DNM1L: variants seen among roughly 807,000 people sequenced by gnomAD.
DNM1L encodes dynamin 1L.
DNM1L carries 33 observed loss-of-function variants against 92.8 expected under a neutral mutation model. The observed-to-expected ratio is 0.36, with a 90% CI of 0.27 to 0.48. The LOEUF (loss-of-function observed/expected upper bound fraction) is 0.48, where lower values mean the gene tolerates loss of function less well. DNM1L is among the 20% of genes least tolerant of loss of function. DNM1L has a pLI of 0.99. For synonymous variants in DNM1L, 284 were observed against 305.0 expected (o/e 0.93, Z 0.72); for missense variants, 485 against 888.8 (o/e 0.55, Z 5.78).
intron 19 of DNM1L, among the ~76,000 whole-genome samples, 159 bp from the exon 20 acceptor site, chr12:32,743,195 G>A (rs796147225): frequency 8.6e-5 from 13 of 151,642 alleles, no homozygotes; most frequent in African/African-American, 2.9e-4. Flanking sequence ...GCGCCTGGCC[G>A]GTACTTGATT....
At chr12:32,732,588 G>A (rs1340558638) in intron 12 of DNM1L, 1 of 455,948 alleles carries the variant, frequency 2.2e-6, no homozygotes, top group African/African-American at 2.0e-5. Context: ...GGTTTACTAA[G>A]AGTACAAAAC....
In DNM1L at chr12:32,680,210, C is replaced by T. The variant is rs1951755691; in HGVS notation, c.102+745C>T. On this transcript the variant is annotated intron_variant, in intron 1 of 19. Coordinates refer to ENST00000549701, the MANE Select transcript of DNM1L (RefSeq NM_012062.5). ...TTCTCTGGTCTTCTCATAGCTAACT[C>T]ATTTTTTTTTGAATGCAGAAATGTT... Among the ~76,000 whole-genome samples the T allele has an allele frequency of 2.0e-5, 3 of 151,838 alleles. No homozygotes were observed. The South Asian group carries it at 6.2e-4, about 32-fold the overall frequency.
intron 1 of DNM1L, among the ~76,000 whole-genome samples, chr12:32,698,826 G>C (rs1473181199): frequency 6.6e-6 from 1 of 152,034 alleles, no homozygotes; most frequent in East Asian, 1.9e-4. Context: ...TGATTATTTA[G>C]TAATTGGATA....
intron 5 of DNM1L, among the ~76,000 whole-genome samples, chr12:32,711,998 C>T (rs141290884): frequency 3.9e-5 from 6 of 152,288 alleles, no homozygotes; most frequent in African/African-American, 1.4e-4. Flanking sequence ...CCTCTTGGCT[C>T]TTCCTACCTT....
Position 32,717,403 on chromosome 12 carries a change from TATA to T in DNM1L, c.620-1236_620-1234del, listed in dbSNP as rs1273532919. On this transcript the variant is annotated intron_variant, in intron 6 of 19. Coordinates refer to ENST00000549701, the MANE Select transcript of DNM1L (RefSeq NM_012062.5). The stretch of plus-strand genomic sequence containing the variant: ...TATATAATATATAGTATATATAATA[TATA>T]ATATATATTTTAAATATATACTATA... 1.1e-4 allele frequency among the ~76,000 whole-genome samples: 8 copies of T among 70,722 alleles called. 1 individual carries two copies. Among genetic ancestry groups the T allele is most frequent in the African/African-American group, 5.2e-4 (8 of 15,446 alleles). 46.4% of individuals were successfully genotyped at this position (70,722 alleles called of 152,430 possible).
At chr12:32,737,473 TTTA>T (rs1401971961) in intron 14 of DNM1L, 1 of 392,584 alleles carries the variant, frequency 2.5e-6, no homozygotes, top group African/African-American at 2.0e-5. Flanking sequence ...GACTCAAGAT[TTTA>T]TTATAATAAG....
intron 8 of DNM1L, 95 bp downstream of exon 8, chr12:32,720,890 T>C: frequency 1.3e-6 from 2 of 1,489,072 alleles, no homozygotes; most frequent in Admixed American, 3.4e-5. Flanking sequence ...TTCATACTGT[T>C]CCTAACAGCT....
intron 2 of DNM1L, chr12:32,707,161 A>C (rs1019224881): frequency 1.0e-5 from 5 of 485,948 alleles, no homozygotes; most frequent in Admixed American, 7.6e-5. Context: ...TTTGAAATAC[A>C]CCATACAATT....
At chr12:32,712,120 T>C (rs1325836326) in intron 5 of DNM1L, among the ~76,000 whole-genome samples, 2 of 152,214 alleles carry the variant, frequency 1.3e-5, no homozygotes, top group Non-Finnish European at 2.9e-5. Flanking sequence ...AGGTCGTCCT[T>C]GTGATCTCAT....
At chr12:32,726,567 A>T in intron 9 of DNM1L, 1 of 1,212,436 alleles carries the variant, frequency 8.2e-7, no homozygotes, top group Admixed American at 1.8e-5. Context: ...CTCACGTAAA[A>T]AGTGACCAAT....
At chr12:32,708,273 A>G in intron 4 of DNM1L, 49 bp downstream of exon 4, 1 of 1,200,828 alleles carries the variant, frequency 8.3e-7, no homozygotes, top group Non-Finnish European at 1.2e-6. Context: ...TAAATATATA[A>G]TTGAGGTATT....
At chr12:32,715,919 A>G (rs942189438) in intron 6 of DNM1L, among the ~76,000 whole-genome samples, 1 of 152,222 alleles carries the variant, frequency 6.6e-6, no homozygotes, top group African/African-American at 2.4e-5. Flanking sequence ...AGTGAGAACC[A>G]GTGTTCATAT....
intron 2 of DNM1L, chr12:32,706,579 G>C (rs921332154): frequency 2.5e-6 from 1 of 400,756 alleles, no homozygotes; most frequent in Non-Finnish European, 4.9e-6. Flanking sequence ...GCAAGTACAA[G>C]AGGAACAGAC....
chr12:32,718,974 T>C (rs975323466), intron 7 of DNM1L, among the ~76,000 whole-genome samples: 2 of 150,756 alleles, frequency 1.3e-5, no homozygotes, highest in African/African-American at 4.9e-5. Flanking sequence ...TTTTTTGAAA[T>C]AGGGTCTCTC....
intron 6 of DNM1L, among the ~76,000 whole-genome samples, chr12:32,715,814 G>T (rs575316688): frequency 6.6e-6 from 1 of 152,306 alleles, no homozygotes; most frequent in East Asian, 1.9e-4. Flanking sequence ...CTCACACGTT[G>T]CTGGTGGGAG....
Position 32,690,076 on chromosome 12 carries a change from C to T in DNM1L, c.102+10611C>T, listed in dbSNP as rs556479986. 2.0e-5 allele frequency among the ~76,000 whole-genome samples: 3 copies of T among 152,286 alleles called. No individual in the cohort carries two copies. In the South Asian group the frequency reaches 6.2e-4, roughly 32 times the overall value. ...TTTTGCCACTTTAGAACTCTTGTAG[C>T]TACTCGACTTTCTGGGAAGAACCCA... On this transcript the variant is annotated intron_variant, in intron 1 of 19. Coordinates refer to ENST00000549701, the MANE Select transcript of DNM1L (RefSeq NM_012062.5).
chr12:32,741,168 C>T (rs2137597556), intron 18 of DNM1L, among the ~76,000 whole-genome samples: 1 of 152,290 alleles, frequency 6.6e-6, no homozygotes, highest in South Asian at 2.1e-4. Context: ...AACCATTTAT[C>T]TTTTTTGCTT....
intron 8 of DNM1L, among the ~76,000 whole-genome samples, chr12:32,721,623 T>C (rs901764458): frequency 5.9e-5 from 9 of 152,184 alleles, no homozygotes; most frequent in Admixed American, 2.0e-4. Flanking sequence ...TCCCCATACA[T>C]CAAGCAAGGA....
chr12:32,683,637 C>T (rs1051121375), intron 1 of DNM1L, among the ~76,000 whole-genome samples: 20 of 151,840 alleles, frequency 1.3e-4, no homozygotes, highest in African/African-American at 4.6e-4. Context: ...CTCCGCTTCC[C>T]GAGTTCAAGT....
Sources: gnomAD v4.1 joint callset for allele counts (sites outside exome capture counted in the v4.1 genomes callset) on GRCh38, gnomAD v4.1.1 for gene constraint, MANE v1.5 for transcripts, NCBI Gene and HGNC (gene_info 2026-07-23, HGNC 2026-07-21) for gene names.